Variants in PLRG1 observed in about 807,000 individuals in gnomAD.
The protein encoded by PLRG1 is pleiotropic regulator 1, also known as pleiotropic regulator 1 (PRL1 homolog, Arabidopsis).
In PLRG1, 28 loss-of-function variants were observed where a neutral mutation model predicts 74.9. The ratio of observed to expected loss-of-function variants is 0.37; its 90% confidence interval spans 0.28 to 0.51. The LOEUF (loss-of-function observed/expected upper bound fraction) is 0.51, where lower values mean the gene tolerates loss of function less well. PLRG1 is among the 20% of genes least tolerant of loss of function. PLRG1 has a pLI of 0.91. For missense variants in PLRG1, 445 were observed against 631.9 expected (o/e 0.70, Z 3.17); for synonymous variants, 197 against 212.4 (o/e 0.93, Z 0.63).
At position 154,546,130 on chromosome 4, in the gene PLRG1, G is replaced by T; in HGVS notation, c.397C>A (p.Gln133Lys). The change falls in exon 5 of 15, where the codon CAG becomes AAG. Residue 133 changes from glutamine (Q) to lysine (K), a missense_variant. By Grantham distance (53) the Gln-to-Lys change is moderately conservative. Coordinates refer to ENST00000499023, the MANE Select transcript of PLRG1 (RefSeq NM_002669.4). ...AATTATAATATTTCATACTTGGTCT[G>T]CAAAGGTAATGCCACCGCTAAGGAC... ...AQSLAVALPL[Q>K]TKADANRTAP... The T allele has an allele frequency of 1.3e-6, 2 of 1,562,976 alleles. No homozygotes were observed. The highest frequency in any genetic ancestry group is 1.8e-6 in the Non-Finnish European group (2 of 1,135,982).
At chr4:154,547,914 T>C (rs1729688986) in intron 2 of PLRG1, 61 bp from the exon 3 acceptor site, 1 of 1,283,152 alleles carries the variant, frequency 7.8e-7, no homozygotes, top group Non-Finnish European at 1.1e-6. Context: ...AACACTTAGC[T>C]TAAGTTTGCC....
intron 1 of PLRG1, among the ~76,000 whole-genome samples, 192 bp downstream of exon 1, chr4:154,550,108 C>T (rs1289545790): frequency 1.3e-5 from 2 of 152,202 alleles, no homozygotes; most frequent in African/African-American, 2.4e-5. Context: ...GCTGAACCTC[C>T]GACTCGGGTT....
chr4:154,550,369 G>C lies in PLRG1; in HGVS notation c.-61C>G, dbSNP rs561229149. The C allele has an allele frequency of 3.3e-6, 5 of 1,515,796 alleles. No homozygotes were observed. Among genetic ancestry groups the C allele is most frequent in the Non-Finnish European group, 4.6e-6 (5 of 1,091,156 alleles). The allele number at this position is 1,515,796 out of a possible 1,614,324, so 93.9% of individuals were successfully genotyped here. On this transcript the variant is annotated 5_prime_UTR_variant, in exon 1 of 15. Transcript: ENST00000499023. ...AACTCTAATCACTAACGCAGTACCC[G>C]CCGCCACAGCTGTGCAGCACCTTCC...
intron 13 of PLRG1, 57 bp downstream of exon 13, chr4:154,537,912 A>C: frequency 1.0e-6 from 1 of 997,580 alleles, no homozygotes. Context: ...ATGTTTATTC[A>C]TCATTAAAAG....
At chr4:154,546,882 CT>C in intron 4 of PLRG1, 128 bp downstream of exon 4, 1 of 737,868 alleles carries the variant, frequency 1.4e-6, no homozygotes, top group Non-Finnish European at 2.5e-6. Context: ...ACCTACAAAG[CT>C]ATGCATGGAT....
chr4:154,549,585 T>C (rs1729721669), intron 1 of PLRG1: 1 of 429,990 alleles, frequency 2.3e-6, no homozygotes, highest in Non-Finnish European at 4.7e-6. Flanking sequence ...TCTTTTAGAC[T>C]ATTACAACAG....
rs1375817775 is a variant in PLRG1, at chr4:154,547,718, G to A, written c.252C>T (p.Ala84=). 1 of 1,611,212 alleles carries A rather than the reference G, an allele frequency of 6.2e-7. No homozygotes were observed. The highest frequency in any genetic ancestry group is 1.7e-5 in the Admixed American group (1 of 59,826). Residue 84 remains alanine (A), a synonymous_variant, in exon 3 of 15, where the codon GCC becomes GCT. Transcript: ENST00000499023. ...TGATAATACCATACTCACCTTGATT[G>A]GCAGGGTACTGTTTATGAACATATG... ...TDSYVHKQYP[A]NQGQEVEYFV...
chr4:154,549,782 A>G, intron 1 of PLRG1: 1 of 456,592 alleles, frequency 2.2e-6, no homozygotes, highest in South Asian at 1.5e-5. Flanking sequence ...ACTGCAGCGG[A>G]TATGGAGAAG....
chr4:154,548,484 A>T (rs1159205144), intron 2 of PLRG1, among the ~76,000 whole-genome samples: 4 of 152,174 alleles, frequency 2.6e-5, no homozygotes, highest in Non-Finnish European at 4.4e-5. Context: ...TAACGAGAAA[A>T]GATGGGAGTA....
intron 1 of PLRG1, 128 bp downstream of exon 1, chr4:154,550,172 T>C: frequency 1.1e-6 from 1 of 902,700 alleles, no homozygotes. Flanking sequence ...CCACTCGGCC[T>C]TGGCCAAATA....
chr4:154,540,214 C>A, intron 10 of PLRG1, 161 bp from the exon 11 acceptor site: 6 of 585,580 alleles, frequency 1.0e-5, no homozygotes, highest in Admixed American at 3.1e-5. Context: ...AACTGGAGGA[C>A]GAATATAAAT....
chr4:154,548,755 C>G (rs1729703631), intron 2 of PLRG1, 74 bp downstream of exon 2: 1 of 764,922 alleles, frequency 1.3e-6, no homozygotes, highest in Admixed American at 2.1e-5. Flanking sequence ...TAAAGGACTC[C>G]CTCTCCCTGC....
intron 12 of PLRG1, among the ~76,000 whole-genome samples, chr4:154,538,388 A>C (rs1241222280): frequency 6.6e-6 from 1 of 152,098 alleles, no homozygotes; most frequent in Non-Finnish European, 1.5e-5. Flanking sequence ...AATGTGCAGA[A>C]GCCCTATTTC....
At chr4:154,546,553 T>TA in intron 4 of PLRG1, 1 of 301,380 alleles carries the variant, frequency 3.3e-6, no homozygotes, top group Non-Finnish European at 6.2e-6. Context: ...TGGATGTAAC[T>TA]TACTAAAACT....
chr4:154,544,579 G>A (rs765036999), intron 6 of PLRG1, 33 bp from the exon 7 acceptor site: 1 of 1,189,048 alleles, frequency 8.4e-7, no homozygotes, highest in Non-Finnish European at 1.3e-6. Context: ...TATTATTAAA[G>A]ACATCATACC....
chr4:154,546,339 A>C, intron 4 of PLRG1, 126 bp from the exon 5 acceptor site: 1 of 612,180 alleles, frequency 1.6e-6, no homozygotes, highest in Non-Finnish European at 3.0e-6. Flanking sequence ...ATATTATACA[A>C]ATTTGATTAA....
intron 6 of PLRG1, 31 bp from the exon 7 acceptor site, chr4:154,544,577 A>C (rs1729614555): frequency 8.4e-7 from 1 of 1,195,816 alleles, no homozygotes; most frequent in Non-Finnish European, 1.2e-6. Flanking sequence ...ATTATTATTA[A>C]AGACATCATA....
chr4:154,542,327 G>T, intron 7 of PLRG1, 48 bp from the exon 8 acceptor site: 2 of 1,187,448 alleles, frequency 1.7e-6, no homozygotes, highest in Non-Finnish European at 2.5e-6. Context: ...AAGTTAAAAT[G>T]TATTTAAGTT....
chr4:154,541,298 C>T (rs77431858), intron 8 of PLRG1, among the ~76,000 whole-genome samples: 3,950 of 152,158 alleles, frequency 0.026, 158 homozygotes, highest in African/African-American at 0.089. Flanking sequence ...TTAGAAATTT[C>T]ATACAAAGTT....
Sources: gnomAD v4.1 joint callset for allele counts (sites outside exome capture counted in the v4.1 genomes callset) on GRCh38, gnomAD v4.1.1 for gene constraint, MANE v1.5 for transcripts, NCBI Gene and HGNC (gene_info 2026-07-23, HGNC 2026-07-21) for gene names.